SCFD2: variants seen among roughly 807,000 people sequenced by gnomAD.
SCFD2 encodes sec1 family domain-containing protein 2.
Under a neutral mutation model 58.9 loss-of-function variants are expected in SCFD2, and 54 were observed. The ratio of observed to expected loss-of-function variants is 0.92; its 90% CI spans 0.74 to 1.15. SCFD2 has a LOEUF of 1.15. Ranked by LOEUF, SCFD2 falls within the 50% of genes most tolerant of loss-of-function variation. The pLI is 0.00. For missense variants in SCFD2, 805 were observed against 836.6 expected (o/e 0.96, Z 0.47); for synonymous variants, 321 against 335.9 (o/e 0.96, Z 0.49).
intron 4 of SCFD2, among the ~76,000 whole-genome samples, chr4:53,220,929 A>T (rs6818181): frequency 6.6e-6 from 1 of 152,112 alleles, no homozygotes; most frequent in African/African-American, 2.4e-5. Context: ...AATTTGCTAC[A>T]CTGGAAGTGG....
chr4:53,359,081 TA>T (rs200860085), intron 1 of SCFD2, among the ~76,000 whole-genome samples: 11 of 148,478 alleles, frequency 7.4e-5, no homozygotes, highest in South Asian at 2.1e-4. Flanking sequence ...AAATATTTGT[TA>T]AAAAAAAAAG....
At chr4:53,251,989 C>T (rs373169981) in intron 4 of SCFD2, among the ~76,000 whole-genome samples, 6 of 152,178 alleles carry the variant, frequency 3.9e-5, no homozygotes, top group African/African-American at 1.4e-4. Context: ...AAAACCCCAT[C>T]ATCTCAGCCC....
intron 5 of SCFD2, among the ~76,000 whole-genome samples, chr4:53,033,867 C>T (rs1379776735): frequency 2.6e-5 from 4 of 152,086 alleles, no homozygotes; most frequent in Non-Finnish European, 5.9e-5. Flanking sequence ...GATTCATAGC[C>T]GAATCCTACC....
intron 5 of SCFD2, among the ~76,000 whole-genome samples, chr4:52,936,077 T>C (rs1163441159): frequency 3.3e-5 from 5 of 152,240 alleles, no homozygotes; most frequent in Admixed American, 1.3e-4. Context: ...CCTCAGATGA[T>C]CCGCCTGCCT....
At chr4:53,273,397 A>G (rs1731232288) in intron 4 of SCFD2, among the ~76,000 whole-genome samples, 1 of 152,188 alleles carries the variant, frequency 6.6e-6, no homozygotes, top group African/African-American at 2.4e-5. Context: ...TTCATTTTTT[A>G]CTAAACGCCA....
At chr4:53,069,548 C>T (rs1012071115) in intron 5 of SCFD2, among the ~76,000 whole-genome samples, 2 of 151,910 alleles carry the variant, frequency 1.3e-5, no homozygotes, top group African/African-American at 2.4e-5. Flanking sequence ...CGAGGTGGCT[C>T]TTTGATTTTT....
At chr4:52,949,244 G>A (rs1336766279) in intron 5 of SCFD2, 4 of 149,782 alleles carry the variant, frequency 2.7e-5, no homozygotes, top group Non-Finnish European at 1.5e-5. Flanking sequence ...AAACATGTCT[G>A]AGCATTTTTT....
intron 5 of SCFD2, among the ~76,000 whole-genome samples, chr4:53,078,332 C>T (rs896177742): frequency 6.6e-6 from 1 of 152,118 alleles, no homozygotes; most frequent in African/African-American, 2.4e-5. Flanking sequence ...AGCAAATATT[C>T]AAATTACTAA....
At chr4:52,955,618 A>G (rs1484919793) in intron 5 of SCFD2, among the ~76,000 whole-genome samples, 2 of 152,218 alleles carry the variant, frequency 1.3e-5, no homozygotes, top group African/African-American at 4.8e-5. Flanking sequence ...CAAGCAGTTG[A>G]ACACCAGAGC....
chr4:52,901,932 C>T (rs935601901), intron 7 of SCFD2, among the ~76,000 whole-genome samples: 6 of 152,218 alleles, frequency 3.9e-5, no homozygotes, highest in Admixed American at 1.3e-4. Context: ...TTTTTCTTAA[C>T]TTTCGCTGCC....
chr4:53,237,948 C>T (rs1416853306), intron 4 of SCFD2, among the ~76,000 whole-genome samples: 11 of 122,240 alleles, frequency 9.0e-5, no homozygotes, highest in African/African-American at 1.6e-4. Flanking sequence ...GCTGGCCGGG[C>T]GAGGGGCTGA....
intron 3 of SCFD2, among the ~76,000 whole-genome samples, chr4:53,278,045 C>T (rs1466186420): frequency 6.7e-6 from 1 of 148,500 alleles, no homozygotes; most frequent in African/African-American, 2.5e-5. Flanking sequence ...GAACGAGACT[C>T]CGTCTCAAAA....
In SCFD2 at chr4:52,971,326, C is replaced by T. The variant is rs555251500; in HGVS notation, c.1562-50456G>A. Among the ~76,000 whole-genome samples the T allele has an allele frequency of 5.1e-4, 78 of 152,222 alleles. 1 individual carries two copies. The highest frequency in any genetic ancestry group is 3.4e-3 in the Middle Eastern group (1 of 294). On this transcript the variant is annotated intron_variant, in intron 5 of 8. Transcript: ENST00000401642. ...CCAATGCAGAGAAGTCCTTAAAGGA[C>T]CTGACGGAGCTGAAAACCATGGCAC...
intron 4 of SCFD2, among the ~76,000 whole-genome samples, chr4:53,248,239 G>A (rs1730184775): frequency 6.6e-6 from 1 of 152,210 alleles, no homozygotes; most frequent in Non-Finnish European, 1.5e-5. Context: ...GGCGCACCAG[G>A]AAATTATATC....
intron 7 of SCFD2, among the ~76,000 whole-genome samples, chr4:52,901,979 G>C (rs1228305301): frequency 6.6e-6 from 1 of 152,226 alleles, no homozygotes; most frequent in South Asian, 2.1e-4. Flanking sequence ...AGTTCTGTGA[G>C]CCATTTCCAA....
In SCFD2 at chr4:53,139,401, G is replaced by A. The variant is rs1459769219; in HGVS notation, c.1561+5932C>T. On this transcript the variant is annotated intron_variant, in intron 5 of 8. Coordinates refer to ENST00000401642, the MANE Select transcript of SCFD2 (RefSeq NM_152540.4). Reference sequence around the variant, plus strand: ...TGGGAAGTGAGGAGCGCCTCTTCCCGGCTGCCGGCCGTCATCCTGTCTAGG... The same window carrying A: ...TGGGAAGTGAGGAGCGCCTCTTCCCAGCTGCCGGCCGTCATCCTGTCTAGG... Among the ~76,000 whole-genome samples, 3 of 113,294 alleles carry A rather than the reference G, an allele frequency of 2.6e-5. 1 individual carries two copies. The highest frequency in any genetic ancestry group is 4.9e-4 in the East Asian group (2 of 4,090). The allele number at this position is 113,294 out of a possible 152,430, so 74.3% of individuals were successfully genotyped here. A position where few individuals can be genotyped will look rare whatever the true frequency, so the allele number is the denominator to read the frequency against.
intron 5 of SCFD2, among the ~76,000 whole-genome samples, chr4:52,938,266 A>C (rs569480214): frequency 6.6e-6 from 1 of 152,318 alleles, no homozygotes; most frequent in African/African-American, 2.4e-5. Flanking sequence ...GAAAAATAAC[A>C]GAGAGGTTGA....
chr4:53,253,740 G>T (rs1224885960), intron 4 of SCFD2, among the ~76,000 whole-genome samples: 1 of 116,784 alleles, frequency 8.6e-6, no homozygotes, highest in Admixed American at 9.7e-5. Flanking sequence ...GGACTGTCGT[G>T]GGGTGGGGGG....
intron 5 of SCFD2, among the ~76,000 whole-genome samples, chr4:53,105,070 C>A (rs1230813819): frequency 1.3e-5 from 2 of 152,020 alleles, no homozygotes; most frequent in Non-Finnish European, 2.9e-5. Flanking sequence ...TGCCTTACCC[C>A]AGAAGTGCAA....
Sources: gnomAD v4.1 joint callset for allele counts (sites outside exome capture counted in the v4.1 genomes callset) on GRCh38, gnomAD v4.1.1 for gene constraint, MANE v1.5 for transcripts, NCBI Gene and HGNC (gene_info 2026-07-23, HGNC 2026-07-21) for gene names.